GARIN5A: variants seen among roughly 807,000 people sequenced by gnomAD.
The protein encoded by GARIN5A is golgi associated RAB2 interactor 5A, also known as Golgi-associated RAB2 interactor protein 5A.
chr19:50,470,871 G>A, the GARIN5A span, among the ~76,000 whole-genome samples: 1 of 151,840 alleles, frequency 6.6e-6, no homozygotes, highest in Non-Finnish European at 1.5e-5. Flanking sequence ...GGCCAGGTTG[G>A]TCTCAAACTC....
the GARIN5A span, among the ~76,000 whole-genome samples, chr19:50,470,208 G>T: frequency 6.6e-6 from 1 of 152,158 alleles, no homozygotes; most frequent in Non-Finnish European, 1.5e-5. Flanking sequence ...CACGTGCAAT[G>T]GTCAAAAAGA....
At chr19:50,475,802 C>T in the GARIN5A span, 849 of 1,504,814 alleles carry the variant, frequency 5.6e-4, 3 homozygotes, top group African/African-American at 0.01. Context: ...CAGGCCGAGG[C>T]TGGGGATGAG....
chr19:50,468,363 CAAAAAAAAAA>C, the GARIN5A span, among the ~76,000 whole-genome samples: 8 of 77,050 alleles, frequency 1.0e-4, no homozygotes, highest in South Asian at 1.5e-3. Flanking sequence ...GACTGTGTCT[CAAAAAAAAAA>C]AAAAAAAAAA....
chr19:50,470,435 C>T, the GARIN5A span, among the ~76,000 whole-genome samples: 1 of 151,726 alleles, frequency 6.6e-6, no homozygotes, highest in Non-Finnish European at 1.5e-5. Context: ...ATTTCTTGAA[C>T]CTGGGAGGCG....
the GARIN5A span, chr19:50,476,260 G>T: frequency 2.4e-4 from 383 of 1,611,452 alleles, no homozygotes; most frequent in Non-Finnish European, 5.6e-5. Context: ...GAGGGGGCGG[G>T]ACTACGCGCA....
chr19:50,476,319 G>A, the GARIN5A span: 4 of 1,592,456 alleles, frequency 2.5e-6, no homozygotes, highest in East Asian at 9.0e-5. Context: ...CACAAGAGCG[G>A]GCTCCTGATT....
chr19:50,467,898 G>A, the GARIN5A span: 4 of 1,472,612 alleles, frequency 2.7e-6, no homozygotes, highest in South Asian at 4.8e-5. Context: ...CGGGGTCAGG[G>A]GTCCCCACCT....
chr19:50,471,863 T>TGC, the GARIN5A span, among the ~76,000 whole-genome samples: 1 of 151,676 alleles, frequency 6.6e-6, no homozygotes, highest in East Asian at 1.9e-4. Flanking sequence ...TACATACATG[T>TGC]GTATATGTAT....
chr19:50,471,663 T>TGTGTATACGCATACATGCAC, the GARIN5A span, among the ~76,000 whole-genome samples: 4 of 118,054 alleles, frequency 3.4e-5, no homozygotes, highest in African/African-American at 1.1e-4. Context: ...CATGCACGTG[T>TGTGTATACGCATACATGCAC]GTGTATACGC....
chr19:50,471,683 CGTGTGTGTATACGCATACATGCACGT>C, the GARIN5A span, among the ~76,000 whole-genome samples: 4 of 143,358 alleles, frequency 2.8e-5, no homozygotes, highest in Non-Finnish European at 4.5e-5. Flanking sequence ...CATACATGCA[CGTGTGTGTATACGCATACATGCACGT>C]GTGTGTATAC....
At chr19:50,471,669 T>C in the GARIN5A span, among the ~76,000 whole-genome samples, 13 of 151,224 alleles carry the variant, frequency 8.6e-5, no homozygotes, top group Admixed American at 7.9e-4. Flanking sequence ...CGTGTGTGTA[T>C]ACGCATACAT....
At chr19:50,471,895 T>C in the GARIN5A span, among the ~76,000 whole-genome samples, 2 of 150,288 alleles carry the variant, frequency 1.3e-5, no homozygotes, top group African/African-American at 2.5e-5. Flanking sequence ...TGTATATGTA[T>C]GCATACATGT....
chr19:50,472,436 A>G, the GARIN5A span, among the ~76,000 whole-genome samples: 1 of 152,016 alleles, frequency 6.6e-6, no homozygotes, highest in African/African-American at 2.4e-5. Flanking sequence ...GAGCAAGCTC[A>G]ATGTTCTCAC....
the GARIN5A span, chr19:50,467,906 C>T: frequency 1.6e-6 from 2 of 1,250,458 alleles, no homozygotes; most frequent in East Asian, 2.5e-5. Flanking sequence ...GGGGTCCCCA[C>T]CTTGCCACCC....
At chr19:50,476,366 T>G in the GARIN5A span, 5 of 1,571,158 alleles carry the variant, frequency 3.2e-6, no homozygotes, top group African/African-American at 1.4e-5. Flanking sequence ...CTCCTGGAGA[T>G]CAGGCCAAAG....
At chr19:50,472,060 G>GTATA in the GARIN5A span, among the ~76,000 whole-genome samples, 2 of 131,622 alleles carry the variant, frequency 1.5e-5, no homozygotes, top group African/African-American at 7.6e-5. Context: ...ATATACGTGT[G>GTATA]TGTATATGTG....
the GARIN5A span, chr19:50,466,851 G>A: frequency 6.5e-6 from 1 of 152,784 alleles, no homozygotes; most frequent in African/African-American, 2.4e-5. The surrounding 1 kb of genome is among the most constrained non-coding windows in gnomAD (Gnocchi z 4.9). Flanking sequence ...CTGAGGCAAG[G>A]TACTTTGATC....
At chr19:50,472,054 A>G in the GARIN5A span, among the ~76,000 whole-genome samples, 1 of 140,246 alleles carries the variant, frequency 7.1e-6, no homozygotes, top group Non-Finnish European at 1.5e-5. Flanking sequence ...ATGTATATAT[A>G]CGTGTGTGTA....
chr19:50,476,265 C>T, the GARIN5A span: 23 of 1,610,150 alleles, frequency 1.4e-5, no homozygotes, highest in South Asian at 2.2e-4. Flanking sequence ...GGCGGGACTA[C>T]GCGCACTGTG....
Sources: gnomAD v4.1 joint callset for allele counts (sites outside exome capture counted in the v4.1 genomes callset) on GRCh38, gnomAD v4.1.1 for gene constraint, Gnocchi (gnomAD v3.1) non-coding constraint, MANE v1.5 for transcripts, NCBI Gene and HGNC (gene_info 2026-07-23, HGNC 2026-07-21) for gene names.